Variants in GAK observed in about 807,000 individuals in gnomAD.
GAK encodes the protein cyclin G associated kinase, also known as cyclin-G-associated kinase.
In GAK, 79 loss-of-function variants were observed where a neutral mutation model predicts 143.9. That is an observed-to-expected ratio of 0.55 (90% CI 0.46 to 0.66). The LOEUF (loss-of-function observed/expected upper bound fraction) is 0.66, where lower values mean the gene tolerates loss of function less well. Ranked by LOEUF, GAK falls within the 30% of genes least tolerant of loss-of-function variation. The pLI, the probability that GAK is intolerant of heterozygous loss-of-function variation, is 0.00. For synonymous variants in GAK, 881 were observed against 765.5 expected (o/e 1.15, Z -2.49); for missense variants, 1,693 against 1,779.7 (o/e 0.95, Z 0.88).
Position 867,143 on chromosome 4 carries a change from A to C in GAK, c.2685T>G (p.Ala895=). Residue 895 remains alanine, a synonymous_variant, in exon 21 of 28, where the codon GCT becomes GCG. Transcript: ENST00000314167. ...GGGCCTTGCAGGCCTGCGGGGGTAC[A>C]GCTGGCCCTGCGCCCACCTCGGAGT... ...GLHSEVGAGP[A]VPPQACKAPS... The C allele has an allele frequency of 6.3e-7, 1 of 1,592,662 alleles. No individual in the cohort carries two copies. Among genetic ancestry groups the C allele is most frequent in the Non-Finnish European group, 8.6e-7 (1 of 1,166,346 alleles).
intron 23 of GAK, among the ~76,000 whole-genome samples, chr4:860,627 T>C (rs752420642): frequency 8.5e-5 from 13 of 152,154 alleles, no homozygotes; most frequent in African/African-American, 1.4e-4. Flanking sequence ...GAGATGGCAG[T>C]TGCCCCTGGG....
At position 849,640 on chromosome 4, in the gene GAK, G is replaced by T. The variant is rs374879777; in HGVS notation, c.*33C>A. 3 of 1,548,294 alleles carry T rather than the reference G, an allele frequency of 1.9e-6. No homozygotes were observed. The highest frequency in any genetic ancestry group is 2.3e-5 in the South Asian group (2 of 88,370). ...GGTCCCACGACGGCTCCCAACCTGT[G>T]GAGCTGTGTGCGCAGCCACCACCAC... On this transcript the variant is annotated 3_prime_UTR_variant, in exon 28 of 28. Coordinates refer to ENST00000314167, the MANE Select transcript of GAK (RefSeq NM_005255.4).
At chr4:855,193 C>T (rs1298535333) in intron 24 of GAK, among the ~76,000 whole-genome samples, 3 of 152,312 alleles carry the variant, frequency 2.0e-5, no homozygotes, top group East Asian at 1.9e-4. Context: ...CCACCTTACT[C>T]GGGAGCCTCC....
Position 883,362 on chromosome 4 carries a change from A to G in GAK, c.1357T>C (p.Tyr453His). ...CGGTAGGTCCTCGGGGACAGGTTGT[A>G]GACGGCATAGTGCCCTGGGTGCTTG... is the stretch of plus-strand genomic sequence containing the variant. ...DSKHPGHYAVYNLSPRTYRPS... is the reference protein window; with the variant it reads ...DSKHPGHYAVHNLSPRTYRPS... Residue 453 changes from tyrosine to histidine, a missense_variant, in exon 13 of 28, where the codon TAC becomes CAC. This residue lies in a region of GAK where 871 missense variants were observed against 991.0 expected (regional missense o/e 0.88). Transcript: ENST00000314167. 1 of 1,613,736 alleles carries G rather than the reference A, an allele frequency of 6.2e-7. No homozygotes were observed. Among genetic ancestry groups the G allele is most frequent in the Non-Finnish European group, 8.5e-7 (1 of 1,180,014 alleles).
chr4:929,271 G>C (rs535969739), intron 1 of GAK, among the ~76,000 whole-genome samples: 52 of 152,382 alleles, frequency 3.4e-4, no homozygotes, highest in African/African-American at 1.2e-3. Context: ...AGGGCTGCGG[G>C]CTGGCTCAAA....
At chr4:851,704 G>T in intron 25 of GAK, 46 bp downstream of exon 25, 1 of 1,567,022 alleles carries the variant, frequency 6.4e-7, no homozygotes, top group South Asian at 1.1e-5. Flanking sequence ...AGCCAATTCA[G>T]GGAGGTCTCT....
chr4:883,142 G>A (rs1225561919), intron 13 of GAK, among the ~76,000 whole-genome samples, 173 bp downstream of exon 13: 1 of 152,214 alleles, frequency 6.6e-6, no homozygotes, highest in Non-Finnish European at 1.5e-5. Context: ...GGCATCCTCA[G>A]AGCAACAGAG....
intron 10 of GAK, 30 bp from the exon 11 acceptor site, chr4:889,000 C>T (rs772628228): frequency 1.3e-6 from 2 of 1,597,670 alleles, no homozygotes; most frequent in African/African-American, 1.3e-5. Flanking sequence ...CAGCAGGCCC[C>T]AGGTGCTCGG....
At chr4:852,303 C>A (rs1748308913) in intron 24 of GAK, 1 of 383,920 alleles carries the variant, frequency 2.6e-6, no homozygotes, top group Admixed American at 4.4e-5. Context: ...CCCCACGTCA[C>A]CCCCAGGAGC....
chr4:895,494 A>T (rs1718594164), intron 7 of GAK, among the ~76,000 whole-genome samples: 1 of 152,194 alleles, frequency 6.6e-6, no homozygotes. Context: ...TCCTCAAGGG[A>T]CACAGGGCCT....
At position 851,899 on chromosome 4, in the gene GAK, T is replaced by C; in HGVS notation, c.3359A>G (p.Gln1120Arg). Residue 1120 changes from glutamine to arginine, a missense_variant, in exon 25 of 28, where the codon CAG becomes CGG. This residue lies in a region of GAK where 822 missense variants were observed against 788.7 expected (regional missense o/e 1.04). Transcript: ENST00000314167. ...ATTPKGSSSW[Q>R]TSRPPAQGAS... The stretch of plus-strand genomic sequence containing the variant: ...GCCCTGGGCTGGCGGCCGACTTGTC[T>C]GCCAGGAGCTGCTGCCTTTGGGCGT... The C allele has an allele frequency of 6.2e-7, 1 of 1,611,892 alleles. No homozygotes were observed. The highest frequency in any genetic ancestry group is 8.5e-7 in the Non-Finnish European group (1 of 1,178,572).
At chr4:857,616 C>T (rs1006593694) in intron 24 of GAK, among the ~76,000 whole-genome samples, 5 of 152,152 alleles carry the variant, frequency 3.3e-5, no homozygotes, top group Admixed American at 2.6e-4. Flanking sequence ...CCGTGACCCT[C>T]GTAGAGCCTG....
intron 1 of GAK, chr4:915,761 T>A: frequency 6.6e-6 from 1 of 152,188 alleles, no homozygotes; most frequent in East Asian, 1.9e-4. Context: ...GAACACTGCA[T>A]TTCGTGGTGC....
intron 9 of GAK, among the ~76,000 whole-genome samples, chr4:892,839 G>A (rs562577938): frequency 2.6e-5 from 4 of 152,342 alleles, no homozygotes; most frequent in African/African-American, 9.6e-5. Context: ...AAAGGCGCCT[G>A]CAAACCTCAA....
chr4:857,888 C>A (rs556627093), intron 24 of GAK, among the ~76,000 whole-genome samples: 2 of 152,338 alleles, frequency 1.3e-5, no homozygotes, highest in South Asian at 4.1e-4. Flanking sequence ...CAAGCCCCCA[C>A]GGCTGCGGGT....
At chr4:902,596 C>CAAAAAAAAAAAAAAAAAAAAAAAAA (rs768017849) in intron 5 of GAK, among the ~76,000 whole-genome samples, 4 of 60,724 alleles carry the variant, frequency 6.6e-5, no homozygotes, top group African/African-American at 2.5e-4. Flanking sequence ...GTGACTGACT[C>CAAAAAAAAAAAAAAAAAAAAAAAAA]AAAAAAAAAA....
intron 6 of GAK, 136 bp from the exon 7 acceptor site, chr4:896,685 T>C: frequency 1.4e-6 from 1 of 714,426 alleles, no homozygotes; most frequent in South Asian, 1.6e-5. Context: ...TGCCCCGGGA[T>C]GACCTCAGGC....
intron 9 of GAK, among the ~76,000 whole-genome samples, chr4:892,203 C>G (rs1717808214): frequency 6.6e-6 from 1 of 152,224 alleles, no homozygotes; most frequent in Non-Finnish European, 1.5e-5. Flanking sequence ...TGGGTCAGCT[C>G]CACTGCAGTG....
chr4:887,552 T>C (rs1008426666), intron 11 of GAK: 9 of 144,466 alleles, frequency 6.2e-5, no homozygotes, highest in African/African-American at 2.1e-4. Context: ...TGCACGCAGC[T>C]CACGCACACT....
Sources: gnomAD v4.1 joint callset for allele counts (sites outside exome capture counted in the v4.1 genomes callset) on GRCh38, gnomAD v4.1.1 for gene constraint, gnomAD v4.1.1 regional missense constraint, MANE v1.5 for transcripts, NCBI Gene and HGNC (gene_info 2026-07-23, HGNC 2026-07-21) for gene names.